The following UBXN7 variants were observed in gnomAD, a reference collection of about 807,000 sequenced individuals.
The protein encoded by UBXN7 is UBX domain-containing protein 7.
In UBXN7, 9 loss-of-function variants were observed where a neutral mutation model predicts 58.0. The observed-to-expected ratio is 0.16, with a 90% CI of 0.09 to 0.27. The LOEUF (loss-of-function observed/expected upper bound fraction) is 0.27. Among genes scored for constraint, UBXN7 ranks in the 10% least tolerant of loss-of-function variants. UBXN7 has a pLI of 1.00. For missense variants in UBXN7, 328 were observed against 599.6 expected, an observed-to-expected ratio of 0.55 and a Z score of 4.73; for synonymous variants, 208 against 205.0, an observed-to-expected ratio of 1.01 and a Z score of -0.12.
intron 1 of UBXN7, among the ~76,000 whole-genome samples, chr3:196,416,760 A>T (rs547689971): frequency 6.6e-6 from 1 of 152,348 alleles, no homozygotes; most frequent in South Asian, 2.1e-4. Flanking sequence ...AAGACTTACT[A>T]GAGTTAAGGA....
In UBXN7 at chr3:196,407,265, T is replaced by C. The variant is rs1411617398; in HGVS notation, c.202A>G (p.Thr68Ala). ...TCATACTCTGTGTGTGGTCTGACAG[T>C]AGAGACACTTGCTGAACTGGTACTG... ...EPSTSSASVS[T>A]VRPHTEEEVR... The change falls in exon 2 of 11, where the codon ACT becomes GCT. Residue 68 changes from threonine (T) to alanine (A), a missense_variant. This residue lies in a region of UBXN7 where 106 missense variants were observed against 124.3 expected (regional missense o/e 0.85). Transcript: ENST00000296328. 6.8e-6 allele frequency: 11 copies of C among 1,614,094 alleles called. No individual in the cohort carries two copies. The highest frequency in any genetic ancestry group is 9.3e-6 in the Non-Finnish European group (11 of 1,180,014).
intron 1 of UBXN7, among the ~76,000 whole-genome samples, chr3:196,418,330 T>G (rs1730570729): frequency 6.7e-6 from 1 of 149,580 alleles, no homozygotes. Context: ...TAGTCCCAAG[T>G]TTACAGTACT....
At chr3:196,373,338 A>G (rs556383107) in intron 5 of UBXN7, among the ~76,000 whole-genome samples, 1 of 152,268 alleles carries the variant, frequency 6.6e-6, no homozygotes, top group Admixed American at 6.5e-5. Context: ...CGATACATCA[A>G]TCGTTAGTGC....
At chr3:196,380,110 C>T (rs575381411) in intron 5 of UBXN7, among the ~76,000 whole-genome samples, 7 of 151,962 alleles carry the variant, frequency 4.6e-5, no homozygotes, top group Non-Finnish European at 8.8e-5. Flanking sequence ...ATCAGCTGAG[C>T]GTGGTGGCGG....
At chr3:196,411,861 AT>A (rs1189533692) in intron 1 of UBXN7, among the ~76,000 whole-genome samples, 1 of 152,184 alleles carries the variant, frequency 6.6e-6, no homozygotes, top group African/African-American at 2.4e-5. Flanking sequence ...GCCTTTTCTG[AT>A]AGCTGATAAA....
intron 1 of UBXN7, among the ~76,000 whole-genome samples, chr3:196,419,903 G>T (rs779415576): frequency 6.6e-6 from 1 of 152,192 alleles, no homozygotes; most frequent in African/African-American, 2.4e-5. Flanking sequence ...GGAATGGATA[G>T]AACAGTCCTA....
At chr3:196,422,633 C>A (rs1239973520) in intron 1 of UBXN7, among the ~76,000 whole-genome samples, 1 of 152,134 alleles carries the variant, frequency 6.6e-6, no homozygotes, top group East Asian at 1.9e-4. Flanking sequence ...GAGCAATCCT[C>A]CCGCATCAGC....
intron 5 of UBXN7, among the ~76,000 whole-genome samples, chr3:196,377,995 G>A (rs1729084924): frequency 6.6e-6 from 1 of 151,964 alleles, no homozygotes; most frequent in African/African-American, 2.4e-5. Flanking sequence ...CTTTCTCCAA[G>A]CAACTACTAT....
intron 3 of UBXN7, among the ~76,000 whole-genome samples, chr3:196,398,757 G>A (rs1462837135): frequency 6.6e-6 from 1 of 152,062 alleles, no homozygotes; most frequent in Admixed American, 6.6e-5. Flanking sequence ...TCGGCCTCCT[G>A]AGTAGCTGGG....
intron 10 of UBXN7, among the ~76,000 whole-genome samples, chr3:196,358,998 A>G (rs928506816): frequency 6.6e-6 from 1 of 152,004 alleles, no homozygotes; most frequent in Non-Finnish European, 1.5e-5. Context: ...AGCAAAGCTC[A>G]CTGAACTTAC....
At chr3:196,362,940 G>A (rs946227472) in intron 8 of UBXN7, among the ~76,000 whole-genome samples, 3 of 151,960 alleles carry the variant, frequency 2.0e-5, no homozygotes, top group African/African-American at 7.3e-5. Flanking sequence ...TCTCACTCTT[G>A]TTGCCCAGGC....
intron 1 of UBXN7, among the ~76,000 whole-genome samples, chr3:196,425,534 G>A (rs1403460406): frequency 6.6e-6 from 1 of 152,032 alleles, no homozygotes; most frequent in Admixed American, 6.6e-5. Flanking sequence ...GGGAATTATA[G>A]GTGTGAGCCA....
chr3:196,420,423 G>A (rs1730644829), intron 1 of UBXN7, among the ~76,000 whole-genome samples: 1 of 151,680 alleles, frequency 6.6e-6, no homozygotes, highest in East Asian at 1.9e-4. Context: ...CCCAGCTACT[G>A]AGGAGTCTGA....
chr3:196,353,388 C>T lies in UBXN7; in HGVS notation c.*3297G>A, dbSNP rs1289957989. 1 of 152,112 alleles carries T rather than the reference C, an allele frequency of 6.6e-6. No homozygotes were observed. The highest frequency in any genetic ancestry group is 6.6e-5 in the Admixed American group (1 of 15,262). 9.4% of individuals were successfully genotyped at this position (152,112 alleles called of 1,614,324 possible). ...AGTATTAAGTTTCCTGTTCTTTTCT[C>T]ATTTGGCACTGTTGTTTTCTCTTCT... On this transcript the variant is annotated 3_prime_UTR_variant, in exon 11 of 11. Transcript: ENST00000296328.
At chr3:196,419,005 C>T (rs913297963) in intron 1 of UBXN7, among the ~76,000 whole-genome samples, 5 of 152,196 alleles carry the variant, frequency 3.3e-5, no homozygotes, top group Non-Finnish European at 7.3e-5. Flanking sequence ...GTGGCTCACG[C>T]CTGTAATCCC....
chr3:196,366,816 G>C (rs1728679866), intron 8 of UBXN7, among the ~76,000 whole-genome samples: 1 of 152,136 alleles, frequency 6.6e-6, no homozygotes, highest in South Asian at 2.1e-4. Flanking sequence ...TTGAGCCCAA[G>C]AGGTGGAGGC....
In UBXN7 at chr3:196,355,465, G is replaced by C. The variant is rs1728318898; in HGVS notation, c.*1220C>G. ...AGCCCAAGACATCTGAAAATTACTA[G>C]TAACCTCCGCCATCCTCCTTACTAA... On this transcript the variant is annotated 3_prime_UTR_variant, in exon 11 of 11. Transcript: ENST00000296328. The C allele has an allele frequency of 6.6e-6, 1 of 152,152 alleles. No individual in the cohort carries two copies. The highest frequency in any genetic ancestry group is 2.4e-5 in the African/African-American group (1 of 41,428). 9.4% of individuals were successfully genotyped at this position (152,152 alleles called of 1,614,324 possible). A position where few individuals can be genotyped will look rare whatever the true frequency, so the allele number is the denominator to read the frequency against.
intron 5 of UBXN7, among the ~76,000 whole-genome samples, chr3:196,382,347 G>C (rs1338161805): frequency 6.6e-6 from 1 of 152,176 alleles, no homozygotes; most frequent in Non-Finnish European, 1.5e-5. Flanking sequence ...CATTCTTAAA[G>C]AAAAGAATTT....
At chr3:196,383,546 G>A (rs1188307687) in intron 5 of UBXN7, among the ~76,000 whole-genome samples, 1 of 152,148 alleles carries the variant, frequency 6.6e-6, no homozygotes, top group African/African-American at 2.4e-5. Context: ...CACATAGTTG[G>A]AAGTAAAGCA....
Sources: allele counts gnomAD v4.1 joint callset (sites outside exome capture counted in the v4.1 genomes callset), GRCh38; gene constraint gnomAD v4.1.1; regional missense constraint gnomAD v4.1.1; transcripts MANE v1.5; gene names NCBI Gene and HGNC (gene_info 2026-07-23, HGNC 2026-07-21).